Variants in SARS1 observed in about 807,000 individuals in gnomAD.
SARS1 encodes the protein seryl-tRNA synthetase 1, also known as serine--tRNA ligase, cytoplasmic.
Under a neutral mutation model 63.7 loss-of-function variants are expected in SARS1, and 25 were observed. The ratio of observed to expected loss-of-function variants is 0.39; its 90% CI spans 0.29 to 0.55. The LOEUF (loss-of-function observed/expected upper bound fraction) is 0.55, where lower values mean the gene tolerates loss of function less well. SARS1 is among the 20% of genes least tolerant of loss of function. The pLI, the probability that SARS1 is intolerant of heterozygous loss-of-function variation, is 0.62. For synonymous variants in SARS1, 231 were observed against 243.5 expected (o/e 0.95, Z 0.48); for missense variants, 417 against 649.7 (o/e 0.64, Z 3.89).
Position 109,221,994 on chromosome 1 carries a change from ATATATATATATATATATT to A in SARS1, c.137-1982_137-1965del, listed in dbSNP as rs1654944767. Among the ~76,000 whole-genome samples the A allele has an allele frequency of 1.2e-3, 29 of 23,516 alleles. 2 individuals are homozygous for A. Among genetic ancestry groups the A allele is most frequent in the Middle Eastern group, 0.042 (1 of 24 alleles). 15.4% of individuals were successfully genotyped at this position (23,516 alleles called of 152,430 possible). A position where few individuals can be genotyped will look rare whatever the true frequency, so the allele number is the denominator to read the frequency against. ...TGTATATATATATATATATATATAT[ATATATATATATATATATT>A]TTTTTTTTTTTTTTTTTTTTTTTTT... On this transcript the variant is annotated intron_variant, in intron 1 of 10. Transcript: ENST00000234677.
intron 5 of SARS1, 79 bp from the exon 6 acceptor site, chr1:109,231,552 G>A: frequency 8.0e-7 from 1 of 1,254,398 alleles, no homozygotes; most frequent in Non-Finnish European, 1.0e-6. Flanking sequence ...CTTGGCCCAG[G>A]TGCCTTTAGG....
Position 109,214,252 on chromosome 1 carries a change from G to C in SARS1, c.136+124G>C. On this transcript the variant is annotated intron_variant, in intron 1 of 10. Transcript: ENST00000234677. The surrounding 1 kb of genome is among the most constrained non-coding windows in gnomAD (Gnocchi z 4.6). ...TCAGACCCCCTCCCAGGGTGCGGTG[G>C]CTCCGAGGTTCTCCCCATCCCCGAA... is the stretch of plus-strand genomic sequence containing the variant. The C allele has an allele frequency of 1.7e-6, 2 of 1,177,350 alleles. No homozygotes were observed. The highest frequency in any genetic ancestry group is 5.4e-5 in the East Asian group (2 of 37,094). The allele number at this position is 1,177,350 out of a possible 1,614,324, so 72.9% of individuals were successfully genotyped here.
intron 1 of SARS1, chr1:109,216,132 G>A (rs1339686475): frequency 1.0e-6 from 1 of 985,278 alleles, no homozygotes; most frequent in African/African-American, 1.7e-5. Flanking sequence ...GGTAGACACT[G>A]GCAGATTTAT....
In SARS1 at chr1:109,214,935, G is replaced by T. The variant is rs1325071620; in HGVS notation, c.136+807G>T. The T allele has an allele frequency of 1.0e-6, 1 of 985,460 alleles. No homozygotes were observed. The highest frequency in any genetic ancestry group is 1.2e-6 in the Non-Finnish European group (1 of 829,942). The allele number at this position is 985,460 out of a possible 1,614,324, so 61.0% of individuals were successfully genotyped here. A position where few individuals can be genotyped will look rare whatever the true frequency, so the allele number is the denominator to read the frequency against. Reference sequence around the variant, plus strand: ...ACCATCTGCCCATAAATCTCTGCCTGTATTAACTGGAGTGGTCGCTGGTTG... The same window carrying T: ...ACCATCTGCCCATAAATCTCTGCCTTTATTAACTGGAGTGGTCGCTGGTTG... On this transcript the variant is annotated intron_variant, in intron 1 of 10. Transcript: ENST00000234677. This position sits in a 1 kb window ranked among gnomAD's most constrained non-coding sequence, Gnocchi z 4.6.
chr1:109,223,211 G>A (rs551964666), intron 1 of SARS1, among the ~76,000 whole-genome samples: 1 of 152,154 alleles, frequency 6.6e-6, no homozygotes, highest in Admixed American at 6.5e-5. Context: ...TATTCTCAAG[G>A]CTGCTAGATG....
intron 1 of SARS1, among the ~76,000 whole-genome samples, chr1:109,223,327 T>C (rs1654994515): frequency 6.6e-6 from 1 of 152,252 alleles, no homozygotes; most frequent in South Asian, 2.1e-4. Context: ...CCTAGTTTCC[T>C]TAAATGAGTT....
In SARS1 at chr1:109,237,213, C is replaced by G. The variant is rs369947626; in HGVS notation, c.1258-31C>G. The G allele has an allele frequency of 8.1e-5, 130 of 1,598,306 alleles. No individual in the cohort carries two copies. The highest frequency in any genetic ancestry group is 9.9e-5 in the Non-Finnish European group (116 of 1,173,610). On this transcript the variant is annotated intron_variant, in intron 9 of 10. Transcript: ENST00000234677. The surrounding 1 kb of genome is among the most constrained non-coding windows in gnomAD (Gnocchi z 4.1). Reference sequence around the variant, plus strand: ...AGTAAGACCCGATGAGAGTTGAGCCCGACTTCCCCTCTGGGACCCTGTCTT... The same window carrying G: ...AGTAAGACCCGATGAGAGTTGAGCCGGACTTCCCCTCTGGGACCCTGTCTT...
intron 9 of SARS1, 181 bp downstream of exon 9, chr1:109,236,729 A>G: frequency 6.6e-7 from 1 of 1,523,854 alleles, no homozygotes; most frequent in Non-Finnish European, 8.8e-7. Flanking sequence ...TCTTTTAGCT[A>G]GAAACCTGAA....
At chr1:109,230,838 C>A in intron 4 of SARS1, 40 bp from the exon 5 acceptor site, 2 of 1,527,212 alleles carry the variant, frequency 1.3e-6, no homozygotes, top group South Asian at 1.2e-5. Flanking sequence ...ATAATAAAAT[C>A]ATATGTCTTG....
chr1:109,229,355 A>G, intron 3 of SARS1, 59 bp from the exon 4 acceptor site: 1 of 1,558,170 alleles, frequency 6.4e-7, no homozygotes, highest in Non-Finnish European at 8.7e-7. Context: ...ACCGAATCAT[A>G]TTCCTGTGCT....
intron 1 of SARS1, chr1:109,217,040 C>G (rs1654806578): frequency 1.1e-5 from 11 of 985,410 alleles, no homozygotes; most frequent in Non-Finnish European, 1.3e-5. Flanking sequence ...CCCAGTCTCA[C>G]CAGGGCATAT....
chr1:109,237,280 G>A lies in SARS1; in HGVS notation c.1294G>A (p.Ala432Thr), dbSNP rs1332832427. The A allele has an allele frequency of 1.9e-6, 3 of 1,613,906 alleles. No individual in the cohort carries two copies. The highest frequency in any genetic ancestry group is 2.5e-6 in the Non-Finnish European group (3 of 1,179,992). The stretch of plus-strand genomic sequence containing the variant: ...CCATATGCTCAATGCTACCATGTGC[G>A]CCACTACCCGTACCATCTGCGCCAT... Reference protein sequence around the residue: ...FVHMLNATMCATTRTICAILE... With the variant: ...FVHMLNATMCTTTRTICAILE... Residue 432 changes from alanine to threonine, a missense_variant, in exon 10 of 11, where the codon GCC becomes ACC. Ala to Thr is a moderately conservative substitution (Grantham distance 58). Coordinates refer to ENST00000234677, the MANE Select transcript of SARS1 (RefSeq NM_006513.4). The surrounding 1 kb of genome is among the most constrained non-coding windows in gnomAD (Gnocchi z 4.1).
In SARS1 at chr1:109,235,937, C is replaced by T. The variant is rs370876229; in HGVS notation, c.970-40C>T. ...CTCCCACTTCAGTCCTTTATTCACC[C>T]TATACCGCTGTCACCGTTTCCTTGG... On this transcript the variant is annotated intron_variant, in intron 7 of 10. Coordinates refer to ENST00000234677, the MANE Select transcript of SARS1 (RefSeq NM_006513.4). The surrounding 1 kb of genome is among the most constrained non-coding windows in gnomAD (Gnocchi z 4.7). The T allele has an allele frequency of 1.1e-5, 18 of 1,567,188 alleles. No homozygotes were observed. Among genetic ancestry groups the T allele is most frequent in the Non-Finnish European group, 1.4e-5 (16 of 1,156,876 alleles).
Position 109,235,188 on chromosome 1 carries a change from G to T in SARS1, c.748-22G>T, listed in dbSNP as rs1225982618. On this transcript the variant is annotated intron_variant, in intron 6 of 10. Coordinates refer to ENST00000234677, the MANE Select transcript of SARS1 (RefSeq NM_006513.4). This position sits in a 1 kb window ranked among gnomAD's most constrained non-coding sequence, Gnocchi z 4.7. ...GGTCCTCCCCACTTCCTCTTAACTG[G>T]TATAGCTCCTTCCTTCCACAGGTGA... The T allele has an allele frequency of 1.3e-6, 2 of 1,589,902 alleles. No individual in the cohort carries two copies. Among genetic ancestry groups the T allele is most frequent in the East Asian group, 2.2e-5 (1 of 44,738 alleles).
intron 6 of SARS1, 80 bp downstream of exon 6, chr1:109,231,866 A>G: frequency 1.6e-6 from 2 of 1,221,830 alleles, no homozygotes; most frequent in South Asian, 2.4e-5. Flanking sequence ...GGTGCTGTCC[A>G]ATAGGACTTT....
At chr1:109,221,954 A>ATTTTTTTT (rs372600041) in intron 1 of SARS1, among the ~76,000 whole-genome samples, 4 of 89,284 alleles carry the variant, frequency 4.5e-5, no homozygotes, top group African/African-American at 2.1e-4. Context: ...TGCTCAGCTA[A>ATTTTTTTT]TTTTTTTGTG....
In SARS1 at chr1:109,235,080, C is replaced by T. The variant is rs1294634280; in HGVS notation, c.748-130C>T. ...CATTCCTTTATCTTTTTAGTATTCT[C>T]TCCCCACTCCCAGGCAGGGATTAAA... is the stretch of plus-strand genomic sequence containing the variant. On this transcript the variant is annotated intron_variant, in intron 6 of 10. Transcript: ENST00000234677. The surrounding 1 kb of genome is among the most constrained non-coding windows in gnomAD (Gnocchi z 4.7). 9.8e-6 allele frequency: 7 copies of T among 712,542 alleles called. No homozygotes were observed. Among genetic ancestry groups the T allele is most frequent in the Non-Finnish European group, 1.7e-5 (7 of 400,918 alleles). The allele number at this position is 712,542 out of a possible 1,614,324, so 44.1% of individuals were successfully genotyped here.
chr1:109,219,770 C>T (rs897477237), intron 1 of SARS1, among the ~76,000 whole-genome samples: 1 of 152,152 alleles, frequency 6.6e-6, no homozygotes, highest in Admixed American at 6.5e-5. Context: ...GCCTTGGCCT[C>T]CCAAAATGCT....
In SARS1 at chr1:109,231,375, T is replaced by C. The variant is rs181740846; in HGVS notation, c.592-256T>C. 1.8e-3 allele frequency: 577 copies of C among 325,572 alleles called. 6 individuals carry two copies. The highest frequency in any genetic ancestry group is 0.011 in the African/African-American group (505 of 47,144). The allele number at this position is 325,572 out of a possible 1,614,324, so 20.2% of individuals were successfully genotyped here. A position where few individuals can be genotyped will look rare whatever the true frequency, so the allele number is the denominator to read the frequency against. ...CCACTGTCATAAGCTCTGTGGTTTG[T>C]GTAGGCCCAAAGTGCTTTGAGAACA... On this transcript the variant is annotated intron_variant, in intron 5 of 10. Coordinates refer to ENST00000234677, the MANE Select transcript of SARS1 (RefSeq NM_006513.4).
Sources: allele counts gnomAD v4.1 joint callset (sites outside exome capture counted in the v4.1 genomes callset), GRCh38; gene constraint gnomAD v4.1.1; non-coding constraint Gnocchi (gnomAD v3.1); transcripts MANE v1.5; gene names NCBI Gene and HGNC (gene_info 2026-07-23, HGNC 2026-07-21).